GATA3: variants seen among roughly 807,000 people sequenced by gnomAD.
The protein encoded by GATA3 is GATA binding protein 3.
Under a neutral mutation model 36.0 loss-of-function variants are expected in GATA3, and 6 were observed. The ratio of observed to expected loss-of-function variants is 0.17; its 90% CI spans 0.09 to 0.33. The LOEUF is 0.33. Ranked by LOEUF, GATA3 falls within the 10% of genes least tolerant of loss-of-function variation. The pLI is 1.00. For missense variants in GATA3, 514 were observed against 610.1 expected, an observed-to-expected ratio of 0.84 and a Z score of 1.66; for synonymous variants, 326 against 273.0, an observed-to-expected ratio of 1.19 and a Z score of -1.92.
At chr10:8,048,378 A>G (rs1832417730) in intron 1 of GATA3, among the ~76,000 whole-genome samples, 1 of 152,146 alleles carries the variant, frequency 6.6e-6, no homozygotes, top group Admixed American at 6.5e-5. Flanking sequence ...AAATGGGTGA[A>G]TTTCTGCCAG....
At chr10:8,051,534 T>A (rs1412916795), upstream of GATA3, 1 of 156,608 alleles carries the variant, frequency 6.4e-6, no homozygotes, top group Non-Finnish European at 1.4e-5. Context: ...GGCATCCTCC[T>A]GGTCGCCTCC....
intron 4 of GATA3, 55 bp from the exon 5 acceptor site, chr10:8,069,418 A>C: frequency 6.5e-7 from 1 of 1,545,892 alleles, no homozygotes; most frequent in Admixed American, 1.7e-5. Flanking sequence ...CATAGTGATG[A>C]CAACACATTT....
chr10:8,052,340 T>C (rs1467043583), upstream of GATA3: 1 of 152,170 alleles, frequency 6.6e-6, no homozygotes, highest in Non-Finnish European at 1.5e-5. Context: ...AAACGAATAA[T>C]CCCTACTTCC....
rs1564401466 is a variant in GATA3, at chr10:8,064,094, A to G, written c.880A>G (p.Met294Val). 1 of 1,614,144 alleles carries G rather than the reference A, an allele frequency of 6.2e-7. No homozygotes were observed. Among genetic ancestry groups the G allele is most frequent in the Non-Finnish European group, 8.5e-7 (1 of 1,180,024 alleles). The change falls in exon 4 of 6, where the codon ATG becomes GTG. Residue 294 changes from methionine (M) to valine (V), a missense_variant. Coordinates refer to ENST00000379328, the MANE Select transcript of GATA3 (RefSeq NM_001002295.2). Reference protein sequence around the residue: ...LCNACGLYHKMNGQNRPLIKP... With the variant: ...LCNACGLYHKVNGQNRPLIKP... ...CAACGCCTGCGGGCTCTATCACAAAATGAACGGACAGAACCGGCCCCTCAT... is the reference window on the plus strand; with the variant it reads ...CAACGCCTGCGGGCTCTATCACAAAGTGAACGGACAGAACCGGCCCCTCAT...
At chr10:8,067,115 G>A (rs1432919011) in intron 4 of GATA3, among the ~76,000 whole-genome samples, 1 of 151,716 alleles carries the variant, frequency 6.6e-6, no homozygotes, top group East Asian at 1.9e-4. Context: ...GTTTTACGTA[G>A]TACTTTCTCC....
intron 4 of GATA3, among the ~76,000 whole-genome samples, chr10:8,065,761 A>G (rs1214688335): frequency 6.9e-6 from 1 of 144,850 alleles, no homozygotes; most frequent in Non-Finnish European, 1.5e-5. Flanking sequence ...TTCCTAGGAA[A>G]AAGCTGCCGG....
chr10:8,063,492 A>C (rs1832783080), intron 3 of GATA3, among the ~76,000 whole-genome samples: 1 of 152,174 alleles, frequency 6.6e-6, no homozygotes, highest in African/African-American at 2.4e-5. Flanking sequence ...CTATCTAGCC[A>C]TTGATGAATC....
rs763176056 is a variant in GATA3 at position 8,055,818 on chromosome 10, G to A, written c.163G>A (p.Gly55Ser). The A allele has an allele frequency of 1.0e-5, 16 of 1,591,590 alleles. No individual in the cohort carries two copies. The South Asian group carries it at 1.1e-4, about 11-fold the overall frequency. The change falls in exon 2 of 6, where the codon GGT (glycine) becomes AGT (serine). Residue 55 changes from glycine to serine, a missense_variant. By Grantham distance (56) the Gly-to-Ser change is moderately conservative. Transcript: ENST00000379328. This position sits in a 1 kb window ranked among gnomAD's most constrained non-coding sequence, Gnocchi z 5.4. The stretch of plus-strand genomic sequence containing the variant: ...GGTGGATGTGCTTTTTAACATCGAC[G>A]GTCAAGGCAACCACGTCCCGCCCTA... ...EEVDVLFNID[G>S]QGNHVPPYYG...
chr10:8,061,375 A>G (rs1037245675), intron 3 of GATA3, among the ~76,000 whole-genome samples: 9 of 152,128 alleles, frequency 5.9e-5, no homozygotes, highest in African/African-American at 2.2e-4. Context: ...CCCCTCCCAC[A>G]GCCTGGTTTA....
chr10:8,048,832 C>A (rs1024574337), upstream of GATA3, among the ~76,000 whole-genome samples: 14 of 152,186 alleles, frequency 9.2e-5, no homozygotes, highest in Admixed American at 6.5e-5. Context: ...CTTTCCGCTG[C>A]ACCCCTACCT....
At position 8,061,089 on chromosome 10, in the gene GATA3, C is replaced by CTCTT. The variant is rs754738004; in HGVS notation, c.778+2249_778+2250insCTTT. Among the ~76,000 whole-genome samples the CTCTT allele has an allele frequency of 1.1e-3, 160 of 145,804 alleles. No individual in the cohort carries two copies. The South Asian group carries it at 0.021, about 19-fold the overall frequency. ...TTGCTCTCTCTCTCTCTCTCTCTCTCTTTTTTACCCCTTTAACCTCTTCTT... is the reference window on the plus strand; with the variant it reads ...TTGCTCTCTCTCTCTCTCTCTCTCTCTCTTTTTTTTACCCCTTTAACCTCTTCTT... On this transcript the variant is annotated intron_variant, in intron 3 of 5. Coordinates refer to ENST00000379328, the MANE Select transcript of GATA3 (RefSeq NM_001002295.2).
intron 3 of GATA3, 61 bp from the exon 4 acceptor site, chr10:8,063,930 ATG>A: frequency 6.2e-7 from 1 of 1,612,542 alleles, no homozygotes; most frequent in South Asian, 1.1e-5. Flanking sequence ...CCAGTTCCAA[ATG>A]CTGTCAGCTT....
upstream of GATA3, chr10:8,050,772 C>T (rs764042155): frequency 2.8e-5 from 9 of 318,940 alleles, no homozygotes; most frequent in Non-Finnish European, 3.9e-5. Context: ...TTCGCGCGCG[C>T]TCTGCTTGCA....
chr10:8,066,119 A>G (rs1328007268), intron 4 of GATA3, among the ~76,000 whole-genome samples: 1 of 151,988 alleles, frequency 6.6e-6, no homozygotes, highest in Non-Finnish European at 1.5e-5. Flanking sequence ...AGAGGGATTA[A>G]AAGTCTCAAG....
intron 3 of GATA3, among the ~76,000 whole-genome samples, chr10:8,060,158 T>C (rs1211362029): frequency 1.3e-5 from 2 of 152,232 alleles, no homozygotes; most frequent in Non-Finnish European, 2.9e-5. Flanking sequence ...CTCTATTTAG[T>C]TGATATGTTT....
upstream of GATA3, among the ~76,000 whole-genome samples, chr10:8,050,074 G>A (rs1333736584): frequency 1.3e-5 from 2 of 152,178 alleles, no homozygotes; most frequent in Non-Finnish European, 2.9e-5. Flanking sequence ...TGCCCCAGTC[G>A]CCCTTTACAA....
chr10:8,064,345 A>G (rs1185328864), intron 4 of GATA3, among the ~76,000 whole-genome samples: 2 of 141,390 alleles, frequency 1.4e-5, no homozygotes, highest in Non-Finnish European at 3.0e-5. Flanking sequence ...TGATACACAG[A>G]ACAGCTCTTT....
rs536258178 is a variant in GATA3 at position 8,071,433 on chromosome 10, A to G, written c.1050+1835A>G. 2.2e-4 allele frequency among the ~76,000 whole-genome samples: 34 copies of G among 152,294 alleles called. No homozygotes were observed. In the South Asian group the frequency reaches 7.0e-3, roughly 32 times the overall value. ...AGGAATTATAGGAGATTAACTAGCT[A>G]TATGTTTTTTTGAATAGTTAGCTGG... On this transcript the variant is annotated intron_variant, in intron 5 of 5. Transcript: ENST00000379328.
At chr10:8,058,171 G>C in intron 2 of GATA3, 134 bp from the exon 3 acceptor site, 1 of 939,108 alleles carries the variant, frequency 1.1e-6, no homozygotes, top group Non-Finnish European at 1.6e-6. Flanking sequence ...CAGGATGAGA[G>C]AGTGGGCCTG....
Sources: allele counts gnomAD v4.1 joint callset (sites outside exome capture counted in the v4.1 genomes callset), GRCh38; gene constraint gnomAD v4.1.1; non-coding constraint Gnocchi (gnomAD v3.1); transcripts MANE v1.5; gene names NCBI Gene and HGNC (gene_info 2026-07-23, HGNC 2026-07-21).